PSME2: variants seen among roughly 807,000 people sequenced by gnomAD.
PSME2 encodes proteasome activator complex subunit 2.
Under a neutral mutation model 38.8 loss-of-function variants are expected in PSME2, and 20 were observed. The observed-to-expected ratio is 0.52, with a 90% CI of 0.36 to 0.75. The LOEUF is 0.75. PSME2 is among the 30% of genes least tolerant of loss of function. The pLI is 0.00. For synonymous variants in PSME2, 82 were observed against 102.5 expected, an observed-to-expected ratio of 0.80 and a Z score of 1.21; for missense variants, 227 against 287.6, an observed-to-expected ratio of 0.79 and a Z score of 1.52.
chr14:24,145,180 C>A, intron 5 of PSME2, 25 bp from the exon 6 acceptor site: 1 of 1,611,086 alleles, frequency 6.2e-7, no homozygotes, highest in Non-Finnish European at 8.5e-7. Flanking sequence ...GGATTCAGGC[C>A]CTTTCTCATC....
chr14:24,144,890 A>C (rs1386112576), intron 6 of PSME2, 168 bp downstream of exon 6: 7 of 706,484 alleles, frequency 9.9e-6, no homozygotes, highest in Non-Finnish European at 1.7e-5. Context: ...TTGTGATAAG[A>C]GAGGTCTAAC....
At chr14:24,144,983 C>G in intron 6 of PSME2, 75 bp downstream of exon 6, 1 of 1,425,640 alleles carries the variant, frequency 7.0e-7, no homozygotes, top group Non-Finnish European at 9.9e-7. Context: ...GTATGAAGGA[C>G]TTGTATCTAC....
At chr14:24,144,536 T>C in intron 6 of PSME2, 68 bp from the exon 7 acceptor site, 4 of 1,486,398 alleles carry the variant, frequency 2.7e-6, no homozygotes, top group Non-Finnish European at 3.8e-6. Context: ...TACTGTCACT[T>C]CCTAAAAAAA....
In PSME2 at chr14:24,143,471, T is replaced by C. The variant is rs1430789990; in HGVS notation, c.658A>G (p.Ile220Val). The change falls in exon 11 of 11, where the codon ATC becomes GTC. Residue 220 changes from isoleucine to valine, a missense_variant. Ile to Val is a conservative substitution (Grantham distance 29). This residue lies in a region of PSME2 where 99 missense variants were observed against 113.9 expected (regional missense o/e 0.87). Coordinates refer to ENST00000216802, the MANE Select transcript of PSME2 (RefSeq NM_002818.3). The surrounding 1 kb of genome is among the most constrained non-coding windows in gnomAD (Gnocchi z 4.4). ...RAFYAELYHIISSNLEKIVNP... is the reference protein window; with the variant it reads ...RAFYAELYHIVSSNLEKIVNP... ...ACAATTTTCTCCAGGTTGCTGCTGATGATATGATAAAGCTCAGCCTGGGAG... is the reference window on the plus strand; with the variant it reads ...ACAATTTTCTCCAGGTTGCTGCTGACGATATGATAAAGCTCAGCCTGGGAG... 9 of 1,614,204 alleles carry C rather than the reference T, an allele frequency of 5.6e-6. No homozygotes were observed. The highest frequency in any genetic ancestry group is 6.8e-6 in the Non-Finnish European group (8 of 1,180,030).
chr14:24,144,622 CT>C (rs1361026547), intron 6 of PSME2, 154 bp from the exon 7 acceptor site: 2 of 733,120 alleles, frequency 2.7e-6, no homozygotes, highest in Admixed American at 4.9e-5. Flanking sequence ...TCACAGCAAC[CT>C]TCAGAGATAT....
intron 1 of PSME2, 126 bp downstream of exon 1, chr14:24,146,408 C>A: frequency 6.9e-7 from 1 of 1,450,366 alleles, no homozygotes. Context: ...TGGGAATCCC[C>A]GAGAAGTGAA....
At position 24,143,760 on chromosome 14, in the gene PSME2, G is replaced by T; in HGVS notation, c.553-89C>A. On this transcript the variant is annotated intron_variant, in intron 9 of 10. Transcript: ENST00000216802. This position sits in a 1 kb window ranked among gnomAD's most constrained non-coding sequence, Gnocchi z 4.4. Reference sequence around the variant, plus strand: ...TTTTATAGGAAATAGGTTAACTTGAGAATGAACCCCTTCTTAGCACCAAGA... The same window carrying T: ...TTTTATAGGAAATAGGTTAACTTGATAATGAACCCCTTCTTAGCACCAAGA... The T allele has an allele frequency of 7.1e-7, 1 of 1,406,576 alleles. No homozygotes were observed. The highest frequency in any genetic ancestry group is 1.0e-6 in the Non-Finnish European group (1 of 998,536). The allele number at this position is 1,406,576 out of a possible 1,614,324, so 87.1% of individuals were successfully genotyped here.
Position 24,143,512 on chromosome 14 carries a change from G to T in PSME2, c.640-23C>A. On this transcript the variant is annotated intron_variant, in intron 10 of 10. Coordinates refer to ENST00000216802, the MANE Select transcript of PSME2 (RefSeq NM_002818.3). The surrounding 1 kb of genome is among the most constrained non-coding windows in gnomAD (Gnocchi z 4.4). ...AGCCTGGGAGAAGGCCAGAGTGCAA[G>T]AGTCAGGTTCTTAGCCAATCCCCTG... The T allele has an allele frequency of 6.2e-7, 1 of 1,613,672 alleles. No individual in the cohort carries two copies. Among genetic ancestry groups the T allele is most frequent in the Middle Eastern group, 1.6e-4 (1 of 6,062 alleles).
At position 24,145,246 on chromosome 14, in the gene PSME2, C is replaced by T; in HGVS notation, c.259G>A (p.Glu87Lys). The change falls in exon 5 of 11, where the codon GAA becomes AAA. Residue 87 changes from glutamate (E) to lysine (K), a missense_variant. By Grantham distance (56) the Glu-to-Lys change is moderately conservative (BLOSUM62 1). This residue lies in a region of PSME2 where 48 missense variants were observed against 96.4 expected (regional missense o/e 0.50). Transcript: ENST00000216802. ...EMETDKQEKK[E>K]VHKCGFLPGN... ...AGTCACCTCTTATCTCTCTTACCTT[C>T]TTTCTTCTCCTGCTTATCTGTTTCC... The T allele has an allele frequency of 6.2e-7, 1 of 1,613,988 alleles. No homozygotes were observed. Among genetic ancestry groups the T allele is most frequent in the Non-Finnish European group, 8.5e-7 (1 of 1,179,884 alleles).
chr14:24,145,541 C>G (rs1408172283), intron 3 of PSME2, 76 bp from the exon 4 acceptor site: 1 of 1,480,092 alleles, frequency 6.8e-7, no homozygotes, highest in Non-Finnish European at 9.2e-7. Context: ...TCCATACATC[C>G]CACTTGCACT....
chr14:24,146,296 C>T (rs2038155488), intron 1 of PSME2, 56 bp from the exon 2 acceptor site: 1 of 1,596,530 alleles, frequency 6.3e-7, no homozygotes, highest in Non-Finnish European at 8.6e-7. Context: ...TCAAAAGCTT[C>T]CACCCACAAC....
Position 24,144,230 on chromosome 14 carries a change from G to A in PSME2, c.459C>T (p.Val153=). Residue 153 remains valine, a synonymous_variant, in exon 8 of 11, where the codon GTC becomes GTT. Coordinates refer to ENST00000216802, the MANE Select transcript of PSME2 (RefSeq NM_002818.3). ...QEKVLERVNA[V]KTKVEAFQTT... is the part of the protein sequence containing the mutation. ...TCTGGAAAGCTTCCACTTTGGTCTTGACGGCATTCACCCTCTCCAGCACCT... is the reference window on the plus strand; with the variant it reads ...TCTGGAAAGCTTCCACTTTGGTCTTAACGGCATTCACCCTCTCCAGCACCT... 1.2e-6 allele frequency: 2 copies of A among 1,614,166 alleles called. No homozygotes were observed. The highest frequency in any genetic ancestry group is 1.7e-6 in the Non-Finnish European group (2 of 1,180,038).
At chr14:24,146,176 C>G in intron 2 of PSME2, 32 bp downstream of exon 2, 2 of 1,609,786 alleles carry the variant, frequency 1.2e-6, no homozygotes, top group Non-Finnish European at 1.7e-6. Flanking sequence ...GTCCAAGATT[C>G]TGGGTCAAAT....
At chr14:24,144,160 G>T (rs1181755721) in intron 8 of PSME2, 32 bp downstream of exon 8, 2 of 1,613,708 alleles carry the variant, frequency 1.2e-6, no homozygotes, top group African/African-American at 1.3e-5. Context: ...TGCTCCTACT[G>T]CCCCCAATGC....
chr14:24,145,654 G>A (rs1029401040), intron 3 of PSME2, 56 bp downstream of exon 3: 6 of 1,555,498 alleles, frequency 3.9e-6, no homozygotes, highest in South Asian at 1.1e-5. Context: ...GCTAGAGAGG[G>A]TGGGCAAAGG....
At chr14:24,146,059 T>C (rs2038149470) in intron 2 of PSME2, 149 bp downstream of exon 2, 1 of 966,796 alleles carries the variant, frequency 1.0e-6, no homozygotes, top group South Asian at 1.4e-5. Flanking sequence ...AAGGTAGCTA[T>C]CAATAATTCC....
In PSME2 at chr14:24,143,740, T is replaced by C. The variant is rs115198453; in HGVS notation, c.553-69A>G. ...GGGACATGAGTCTGGTTTCCTTTTA[T>C]AGGAAATAGGTTAACTTGAGAATGA... On this transcript the variant is annotated intron_variant, in intron 9 of 10. Coordinates refer to ENST00000216802, the MANE Select transcript of PSME2 (RefSeq NM_002818.3). The surrounding 1 kb of genome is among the most constrained non-coding windows in gnomAD (Gnocchi z 4.4). 1 of 1,491,250 alleles carries C rather than the reference T, an allele frequency of 6.7e-7. No individual in the cohort carries two copies. Among genetic ancestry groups the C allele is most frequent in the Non-Finnish European group, 9.3e-7 (1 of 1,070,794 alleles). The allele number at this position is 1,491,250 out of a possible 1,614,324, so 92.4% of individuals were successfully genotyped here. A position where few individuals can be genotyped will look rare whatever the true frequency, so the allele number is the denominator to read the frequency against.
In PSME2 at chr14:24,145,781, T is replaced by C; in HGVS notation, c.82-9A>G. ...TAGAGGAATTCCTCAGCCTGTGGGTTACATTGCAAGGGAGGGGAATCACAG... is the reference window on the plus strand; with the variant it reads ...TAGAGGAATTCCTCAGCCTGTGGGTCACATTGCAAGGGAGGGGAATCACAG... On this transcript the variant is annotated splice_polypyrimidine_tract_variant and intron_variant, in intron 2 of 10. Coordinates refer to ENST00000216802, the MANE Select transcript of PSME2 (RefSeq NM_002818.3). 2 of 1,611,488 alleles carry C rather than the reference T, an allele frequency of 1.2e-6. No homozygotes were observed. Among genetic ancestry groups the C allele is most frequent in the Non-Finnish European group, 1.7e-6 (2 of 1,177,614 alleles).
At chr14:24,146,035 G>A in intron 2 of PSME2, 173 bp downstream of exon 2, 1 of 876,190 alleles carries the variant, frequency 1.1e-6, no homozygotes, top group South Asian at 1.5e-5. Context: ...AGAGTCATAA[G>A]AAAGGTCAGA....
Sources: gnomAD v4.1 joint callset for allele counts on GRCh38, gnomAD v4.1.1 for gene constraint, gnomAD v4.1.1 regional missense constraint, Gnocchi (gnomAD v3.1) non-coding constraint, MANE v1.5 for transcripts, NCBI Gene and HGNC (gene_info 2026-07-23, HGNC 2026-07-21) for gene names.